The following HDAC11 variants were observed in gnomAD, a reference collection of about 807,000 sequenced individuals.
HDAC11 encodes histone deacetylase 11.
Under a neutral mutation model 41.1 loss-of-function variants are expected in HDAC11, and 23 were observed. The ratio of observed to expected loss-of-function variants is 0.56; its 90% confidence interval spans 0.40 to 0.79. HDAC11 has a LOEUF of 0.79. Ranked by LOEUF, HDAC11 falls within the 30% of genes least tolerant of loss-of-function variation. The pLI is 0.00. For synonymous variants in HDAC11, 187 were observed against 186.6 expected (o/e 1.00, Z -0.02); for missense variants, 402 against 477.3 (o/e 0.84, Z 1.47).
intron 6 of HDAC11, among the ~76,000 whole-genome samples, chr3:13,501,263 C>T (rs1421779968): frequency 2.0e-5 from 3 of 152,206 alleles, no homozygotes; most frequent in Non-Finnish European, 4.4e-5. Flanking sequence ...GCAGAATTGG[C>T]GCTGGCCTCT....
chr3:13,502,993 C>T lies in HDAC11; in HGVS notation c.649+13C>T, dbSNP rs759523604. The T allele has an allele frequency of 1.3e-6, 2 of 1,599,498 alleles. No homozygotes were observed. Among genetic ancestry groups the T allele is most frequent in the Non-Finnish European group, 1.7e-6 (2 of 1,167,126 alleles). On this transcript the variant is annotated intron_variant, in intron 8 of 9. Transcript: ENST00000295757. The surrounding 1 kb of genome is among the most constrained non-coding windows in gnomAD (Gnocchi z 4.1). ...CGCTTTGCCAAGCGTAAGCTGCTGC[C>T]CCTACCCTCATCTTGGGTGTGTCCT...
Position 13,483,490 on chromosome 3 carries a change from C to G in HDAC11, c.178C>G (p.Leu60Val). ...KEEKLLSDSM[L>V]VEAREASEED... ...AGAGAAGCTTCTGTCTGACAGCATG[C>G]TGGTGGAGGCGCGGGAGGCCTCGGA... is the stretch of plus-strand genomic sequence containing the variant. Residue 60 changes from leucine (L) to valine (V), a missense_variant, in exon 3 of 10, where the codon CTG becomes GTG. Physicochemically the swap from Leu to Val is conservative, Grantham distance 32. Coordinates refer to ENST00000295757, the MANE Select transcript of HDAC11 (RefSeq NM_024827.4). 4 of 1,613,876 alleles carry G rather than the reference C, an allele frequency of 2.5e-6. No individual in the cohort carries two copies. The highest frequency in any genetic ancestry group is 3.4e-6 in the Non-Finnish European group (4 of 1,179,868).
intron 6 of HDAC11, 94 bp downstream of exon 6, chr3:13,500,883 A>T: frequency 1.0e-6 from 1 of 970,190 alleles, no homozygotes; most frequent in Non-Finnish European, 1.5e-6. Flanking sequence ...TGAATTATAG[A>T]CAAGGGGCCT....
chr3:13,498,770 G>T (rs1001701444), intron 5 of HDAC11, among the ~76,000 whole-genome samples: 1 of 152,168 alleles, frequency 6.6e-6, no homozygotes, highest in African/African-American at 2.4e-5. Context: ...GCCTCCATCT[G>T]ACGTGGGATC....
At chr3:13,485,812 T>C (rs13094923) in intron 3 of HDAC11, among the ~76,000 whole-genome samples, 1,540 of 151,008 alleles carry the variant, frequency 0.01, 12 homozygotes, top group South Asian at 0.02. Flanking sequence ...TATTAACAGG[T>C]AGAGTCCCAA....
intron 3 of HDAC11, among the ~76,000 whole-genome samples, chr3:13,487,425 G>C (rs1701649229): frequency 6.6e-6 from 1 of 152,226 alleles, no homozygotes; most frequent in Admixed American, 6.5e-5. Context: ...CTCTGCACTG[G>C]TGTGGCCTTT....
intron 2 of HDAC11, among the ~76,000 whole-genome samples, chr3:13,482,738 G>C (rs1701378978): frequency 6.6e-6 from 1 of 152,208 alleles, no homozygotes; most frequent in Non-Finnish European, 1.5e-5. Context: ...AGTGAGCTAT[G>C]GTTGTGCCAC....
In HDAC11 at chr3:13,484,203, A is replaced by G. The variant is rs535275465; in HGVS notation, c.252+639A>G. 1.4e-4 allele frequency among the ~76,000 whole-genome samples: 21 copies of G among 152,314 alleles called. 1 individual carries two copies. Among genetic ancestry groups the G allele is most frequent in the Admixed American group, 7.8e-4 (12 of 15,304 alleles). On this transcript the variant is annotated intron_variant, in intron 3 of 9. Transcript: ENST00000295757. Reference sequence around the variant, plus strand: ...GGTCTCGAACTCCTGAACTCAGGTCATCTGCCCACCTCGGCCTCCCAAAGT... The same window carrying G: ...GGTCTCGAACTCCTGAACTCAGGTCGTCTGCCCACCTCGGCCTCCCAAAGT...
intron 4 of HDAC11, among the ~76,000 whole-genome samples, chr3:13,498,071 G>A (rs1248183908): frequency 6.6e-6 from 1 of 151,922 alleles, no homozygotes; most frequent in African/African-American, 2.4e-5. Context: ...GGCGAGGCTG[G>A]TCTTGAACTC....
At chr3:13,483,588 G>A (rs772775433) in intron 3 of HDAC11, 24 bp downstream of exon 3, 3 of 1,581,082 alleles carry the variant, frequency 1.9e-6, no homozygotes, top group South Asian at 1.1e-5. Flanking sequence ...GGCCTGGGGG[G>A]CTGCGGGCCT....
intron 3 of HDAC11, among the ~76,000 whole-genome samples, chr3:13,493,171 C>A (rs1701942956): frequency 1.3e-5 from 2 of 152,334 alleles, no homozygotes; most frequent in South Asian, 4.1e-4. Context: ...CCCCCACCTG[C>A]CCCACCCACA....
At chr3:13,495,088 C>G (rs1172350038) in intron 3 of HDAC11, among the ~76,000 whole-genome samples, 1 of 152,174 alleles carries the variant, frequency 6.6e-6, no homozygotes, top group Admixed American at 6.5e-5. Flanking sequence ...CCACTTTCCT[C>G]TCATGGAATG....
chr3:13,481,045 G>T, intron 1 of HDAC11: 4 of 593,818 alleles, frequency 6.7e-6, no homozygotes, highest in Non-Finnish European at 1.2e-5. Context: ...CTACCCCCAG[G>T]GCTGCTGTGA....
chr3:13,480,755 G>A lies in HDAC11; in HGVS notation c.2+406G>A. The A allele has an allele frequency of 2.1e-6, 1 of 471,414 alleles. No homozygotes were observed. Among genetic ancestry groups the A allele is most frequent in the Non-Finnish European group, 4.4e-6 (1 of 229,490 alleles). The allele number at this position is 471,414 out of a possible 1,614,324, so 29.2% of individuals were successfully genotyped here. On this transcript the variant is annotated intron_variant, in intron 1 of 9. Coordinates refer to ENST00000295757, the MANE Select transcript of HDAC11 (RefSeq NM_024827.4). The surrounding 1 kb of genome is among the most constrained non-coding windows in gnomAD (Gnocchi z 4.6). ...AGCGCAGCGGGGTCAGGGGATCCCC[G>A]CCCCCCGCCCTGGCTCAGGTTGGGT...
At chr3:13,481,037 AC>A (rs1701290557) in intron 1 of HDAC11, 1 of 581,416 alleles carries the variant, frequency 1.7e-6, no homozygotes, top group African/African-American at 1.9e-5. Context: ...TGTGGTGCCT[AC>A]CCCCAGGGCT....
At chr3:13,503,280 A>G (rs1486564146) in intron 8 of HDAC11, 2 of 252,244 alleles carry the variant, frequency 7.9e-6, no homozygotes, top group South Asian at 4.9e-5. Context: ...ATAAATTCAC[A>G]TAGGCTGGGC....
rs746190208 is a variant in HDAC11 at position 13,483,075 on chromosome 3, T to TAA, written c.152-377_152-376dup. ...CAAGACCCTGTCTCTTTAAATGAAT[T>TAA]AAAAAAAAAAAAAGGGCGGGGGGAA... On this transcript the variant is annotated intron_variant, in intron 2 of 9. Transcript: ENST00000295757. Among the ~76,000 whole-genome samples, 20 of 109,880 alleles carry TAA rather than the reference T, an allele frequency of 1.8e-4. No individual in the cohort carries two copies. In the East Asian group the frequency reaches 2.1e-3, roughly 11 times the overall value. The allele number at this position is 109,880 out of a possible 152,430, so 72.1% of individuals were successfully genotyped here.
chr3:13,488,396 C>G (rs1384006881), intron 3 of HDAC11, among the ~76,000 whole-genome samples: 1 of 152,146 alleles, frequency 6.6e-6, no homozygotes, highest in Non-Finnish European at 1.5e-5. Context: ...AAAAGGAAAC[C>G]CTGTGTCCTT....
At position 13,486,745 on chromosome 3, in the gene HDAC11, T is replaced by C. The variant is rs910967189; in HGVS notation, c.252+3181T>C. Reference sequence around the variant, plus strand: ...GGCACCTGCCACCATGCCCGGCTAATTTTTGTATTTTTAGTAGAGACGGAG... The same window carrying C: ...GGCACCTGCCACCATGCCCGGCTAACTTTTGTATTTTTAGTAGAGACGGAG... On this transcript the variant is annotated intron_variant, in intron 3 of 9. Transcript: ENST00000295757. Among the ~76,000 whole-genome samples, 20 of 151,864 alleles carry C rather than the reference T, an allele frequency of 1.3e-4. 2 individuals are homozygous for C. The South Asian group carries it at 4.2e-3, about 32-fold the overall frequency.
Sources: gnomAD v4.1 joint callset for allele counts (sites outside exome capture counted in the v4.1 genomes callset) on GRCh38, gnomAD v4.1.1 for gene constraint, Gnocchi (gnomAD v3.1) non-coding constraint, MANE v1.5 for transcripts, NCBI Gene and HGNC (gene_info 2026-07-23, HGNC 2026-07-21) for gene names.